Variants in FMN2 observed in about 807,000 individuals in gnomAD.
FMN2 encodes the protein formin 2.
Under a neutral mutation model 142.3 loss-of-function variants are expected in FMN2, and 51 were observed. The observed-to-expected ratio is 0.36, with a 90% CI of 0.29 to 0.45. FMN2 has a LOEUF of 0.45. Among genes scored for constraint, FMN2 ranks in the 20% least tolerant of loss-of-function variants. The probability of loss-of-function intolerance (pLI) is 1.00; values close to 1 mark genes in which losing one functional copy is unlikely to be tolerated. For synonymous variants in FMN2, 882 were observed against 869.8 expected (o/e 1.01, Z -0.25); for missense variants, 1,936 against 2,122.8 (o/e 0.91, Z 1.73).
At chr1:240,291,402 G>A (rs1201253226) in intron 7 of FMN2, among the ~76,000 whole-genome samples, 5 of 152,052 alleles carry the variant, frequency 3.3e-5, no homozygotes, top group South Asian at 2.1e-4. Context: ...GTAAAGAGTC[G>A]CAGACAAGGA....
At position 240,344,433 on chromosome 1, in the gene FMN2, A is replaced by G. The variant is rs190866471; in HGVS notation, c.4765+10204A>G. 1.8e-3 allele frequency among the ~76,000 whole-genome samples: 273 copies of G among 152,068 alleles called. 1 individual carries two copies. Among genetic ancestry groups the G allele is most frequent in the Non-Finnish European group, 3.3e-3 (227 of 67,964 alleles). On this transcript the variant is annotated intron_variant, in intron 13 of 17. Coordinates refer to ENST00000319653, the MANE Select transcript of FMN2 (RefSeq NM_020066.5). ...TTTGAAAGAAACATTTTCATTTGTGATTTTTTTCCCAAAGTTGATAAGCCT... is the reference window on the plus strand; with the variant it reads ...TTTGAAAGAAACATTTTCATTTGTGGTTTTTTTCCCAAAGTTGATAAGCCT...
chr1:240,191,001 G>A (rs530570371), intron 4 of FMN2, among the ~76,000 whole-genome samples: 16 of 152,258 alleles, frequency 1.1e-4, no homozygotes, highest in African/African-American at 3.9e-4. Context: ...AATGCAGCTG[G>A]AAATGAGAGG....
At chr1:240,372,165 G>A (rs1672890716) in intron 14 of FMN2, among the ~76,000 whole-genome samples, 1 of 152,138 alleles carries the variant, frequency 6.6e-6, no homozygotes, top group Non-Finnish European at 1.5e-5. Flanking sequence ...GAACCTGGGA[G>A]GCAGAGGTTT....
At chr1:240,439,270 C>CAAAAAAAAAAAAAA (rs58234038) in intron 16 of FMN2, among the ~76,000 whole-genome samples, 4 of 101,260 alleles carry the variant, frequency 4.0e-5, no homozygotes, top group African/African-American at 1.4e-4. Flanking sequence ...AAGGCTGTCT[C>CAAAAAAAAAAAAAA]AAAAAAAAAA....
In FMN2 at chr1:240,443,078, G is replaced by A. The variant is rs142652013; in HGVS notation, c.5060+4868G>A. ...GTATCCTGGTCATGGCTCCCTACAA[G>A]GTGACATAACATTGCTAAGGCACAC... On this transcript the variant is annotated intron_variant, in intron 16 of 17. Coordinates refer to ENST00000319653, the MANE Select transcript of FMN2 (RefSeq NM_020066.5). Among the ~76,000 whole-genome samples, 19 of 152,238 alleles carry A rather than the reference G, an allele frequency of 1.2e-4. No individual in the cohort carries two copies. In the East Asian group the frequency reaches 3.7e-3, roughly 29 times the overall value.
chr1:240,326,693 C>T (rs956011519), intron 8 of FMN2, among the ~76,000 whole-genome samples: 2 of 150,066 alleles, frequency 1.3e-5, no homozygotes, highest in Admixed American at 1.3e-4. Context: ...AATTATGTCA[C>T]CAAACTGTAG....
intron 2 of FMN2, among the ~76,000 whole-genome samples, chr1:240,125,359 A>G (rs1485855539): frequency 6.6e-6 from 1 of 152,234 alleles, no homozygotes; most frequent in Non-Finnish European, 1.5e-5. Context: ...ATGACATTGC[A>G]GCTAATCGCT....
intron 2 of FMN2, among the ~76,000 whole-genome samples, chr1:240,132,873 C>A (rs1430601265): frequency 6.6e-6 from 1 of 152,120 alleles, no homozygotes; most frequent in Non-Finnish European, 1.5e-5. Flanking sequence ...TCATTACCTT[C>A]TTGGGTTTGC....
At chr1:240,131,549 A>C (rs1662737715) in intron 2 of FMN2, among the ~76,000 whole-genome samples, 2 of 152,080 alleles carry the variant, frequency 1.3e-5, no homozygotes, top group Admixed American at 6.6e-5. Flanking sequence ...GCCTCTACTA[A>C]AAATACAAAA....
At chr1:240,278,169 A>G (rs1485308755) in intron 7 of FMN2, among the ~76,000 whole-genome samples, 1 of 152,172 alleles carries the variant, frequency 6.6e-6, no homozygotes, top group Non-Finnish European at 1.5e-5. Flanking sequence ...AACTATATAA[A>G]CAGGCATTTG....
At chr1:240,189,124 T>A (rs373415845) in intron 4 of FMN2, among the ~76,000 whole-genome samples, 2 of 147,948 alleles carry the variant, frequency 1.4e-5, no homozygotes, top group Admixed American at 1.3e-4. Flanking sequence ...ATTTTGTGGG[T>A]TTTTTTTTCT....
At chr1:240,459,725 A>T (rs1374102191) in intron 16 of FMN2, among the ~76,000 whole-genome samples, 254 of 16,948 alleles carry the variant, frequency 0.015, 19 homozygotes, top group Non-Finnish European at 0.017. Context: ...TCTAAAAAAA[A>T]AAAAAAAAAA....
intron 14 of FMN2, among the ~76,000 whole-genome samples, chr1:240,388,747 A>C (rs1033708902): frequency 4.0e-5 from 6 of 151,840 alleles, no homozygotes; most frequent in Non-Finnish European, 8.8e-5. Flanking sequence ...CTGTAATCCC[A>C]ACTACTCGGG....
chr1:240,460,372 A>G (rs1184737166), intron 16 of FMN2, among the ~76,000 whole-genome samples: 1 of 152,140 alleles, frequency 6.6e-6, no homozygotes, highest in Non-Finnish European at 1.5e-5. Context: ...CGGGCATATC[A>G]CCTGAGGTCA....
chr1:240,390,086 A>G (rs943501507), intron 14 of FMN2, among the ~76,000 whole-genome samples: 6 of 152,210 alleles, frequency 3.9e-5, no homozygotes, highest in African/African-American at 1.2e-4. Context: ...TGAGATTGGT[A>G]TACAAAGGAA....
intron 15 of FMN2, among the ~76,000 whole-genome samples, chr1:240,415,716 G>A (rs938368409): frequency 2.6e-5 from 4 of 152,126 alleles, no homozygotes; most frequent in Admixed American, 1.3e-4. Flanking sequence ...GTAATGATAA[G>A]CATTTAATTA....
intron 15 of FMN2, among the ~76,000 whole-genome samples, chr1:240,392,994 A>AG (rs11372610): frequency 0.55 from 83,105 of 151,922 alleles, 24,199 homozygotes; most frequent in African/African-American, 0.75. Context: ...AACATAGAAA[A>AG]TATCTCAGAA....
At chr1:240,133,383 C>T (rs1290796711) in intron 2 of FMN2, among the ~76,000 whole-genome samples, 1 of 152,178 alleles carries the variant, frequency 6.6e-6, no homozygotes, top group East Asian at 1.9e-4. Context: ...GTGGCCAAGG[C>T]TGGTCTTGAT....
chr1:240,155,284 T>C (rs1663974511), intron 2 of FMN2, among the ~76,000 whole-genome samples: 1 of 152,086 alleles, frequency 6.6e-6, no homozygotes, highest in African/African-American at 2.4e-5. Context: ...AATCTTGTTT[T>C]AATTTTTATT....
Sources: allele counts gnomAD v4.1 joint callset (sites outside exome capture counted in the v4.1 genomes callset), GRCh38; gene constraint gnomAD v4.1.1; transcripts MANE v1.5; gene names NCBI Gene and HGNC (gene_info 2026-07-23, HGNC 2026-07-21).